Variants in MBNL1 observed in about 807,000 individuals in gnomAD.
The protein encoded by MBNL1 is muscleblind-like protein 1.
Under a neutral mutation model 42.2 loss-of-function variants are expected in MBNL1, and 8 were observed. That is an observed-to-expected ratio of 0.19 (90% CI 0.11 to 0.34). The LOEUF is 0.34. Among genes scored for constraint, MBNL1 ranks in the 10% least tolerant of loss-of-function variants. The pLI is 1.00. For missense variants in MBNL1, 309 were observed against 495.3 expected (o/e 0.62, Z 3.57); for synonymous variants, 169 against 173.9 (o/e 0.97, Z 0.22).
chr3:152,457,861 C>G (rs184903356), intron 8 of MBNL1: 10 of 380,510 alleles, frequency 2.6e-5, no homozygotes, highest in Admixed American at 2.5e-4. Context: ...GTAGGGGACA[C>G]TTTACTTTTT....
intron 2 of MBNL1, among the ~76,000 whole-genome samples, chr3:152,344,883 T>G (rs377020810): frequency 5.3e-5 from 8 of 152,102 alleles, no homozygotes; most frequent in African/African-American, 1.9e-4. Flanking sequence ...TCCATACAGA[T>G]GGAAAGGCAC....
At chr3:152,301,980 G>A (rs142876773) in intron 2 of MBNL1, 1 of 152,330 alleles carries the variant, frequency 6.6e-6, no homozygotes, top group East Asian at 1.9e-4. Flanking sequence ...GTGACATTGA[G>A]TGGTTACACA....
intron 6 of MBNL1, among the ~76,000 whole-genome samples, chr3:152,453,977 C>A (rs1272104253): frequency 6.6e-6 from 1 of 152,084 alleles, no homozygotes; most frequent in African/African-American, 2.4e-5. Context: ...TTTTCCAATT[C>A]TCTCACCCTA....
intron 2 of MBNL1, among the ~76,000 whole-genome samples, chr3:152,335,998 T>G (rs1169154717): frequency 6.6e-6 from 1 of 152,200 alleles, no homozygotes; most frequent in Non-Finnish European, 1.5e-5. Flanking sequence ...GGACAGTAAG[T>G]GTTTATTGAG....
intron 7 of MBNL1, 84 bp downstream of exon 7, chr3:152,455,661 A>G (rs1732174342): frequency 1.6e-6 from 2 of 1,224,900 alleles, no homozygotes; most frequent in African/African-American, 3.0e-5. Flanking sequence ...AGTTTAACTT[A>G]TATCTATTGG....
At chr3:152,420,953 TGAG>T (rs2098795623) in intron 3 of MBNL1, among the ~76,000 whole-genome samples, 1 of 152,084 alleles carries the variant, frequency 6.6e-6, no homozygotes, top group African/African-American at 2.4e-5. Flanking sequence ...AAACACAGCA[TGAG>T]AAGTTCGTGA....
chr3:152,403,448 C>T (rs1009859199), intron 2 of MBNL1, among the ~76,000 whole-genome samples: 1 of 152,100 alleles, frequency 6.6e-6, no homozygotes, highest in African/African-American at 2.4e-5. Context: ...TAGTTGTCAT[C>T]TATTTTTATT....
At chr3:152,288,607 CAT>C (rs376859723) in intron 1 of MBNL1, among the ~76,000 whole-genome samples, 4 of 151,980 alleles carry the variant, frequency 2.6e-5, no homozygotes, top group African/African-American at 9.7e-5. Context: ...ACTCTTATGA[CAT>C]AGTGTTGTCA....
chr3:152,316,703 A>G (rs188002621), intron 2 of MBNL1, among the ~76,000 whole-genome samples: 3 of 152,226 alleles, frequency 2.0e-5, no homozygotes, highest in Admixed American at 1.3e-4. Context: ...TACTGCTGAG[A>G]GGTTCTGGGA....
chr3:152,298,653 A>T (rs928720527), intron 1 of MBNL1, among the ~76,000 whole-genome samples: 1 of 152,206 alleles, frequency 6.6e-6, no homozygotes, highest in Non-Finnish European at 1.5e-5. Flanking sequence ...TGCCTGTGAT[A>T]TATTGACAAA....
intron 1 of MBNL1, among the ~76,000 whole-genome samples, chr3:152,298,713 G>T (rs773574014): frequency 6.6e-6 from 1 of 152,202 alleles, no homozygotes; most frequent in African/African-American, 2.4e-5. Context: ...GCTGTTTTCA[G>T]TGGAGGGGCA....
chr3:152,448,173 T>G (rs937305877), intron 6 of MBNL1, among the ~76,000 whole-genome samples: 1 of 152,190 alleles, frequency 6.6e-6, no homozygotes, highest in African/African-American at 2.4e-5. Flanking sequence ...TCAGTTTTGA[T>G]TTTTATTTTT....
At chr3:152,270,005 G>T (rs1047626683) in intron 1 of MBNL1, among the ~76,000 whole-genome samples, 4 of 148,746 alleles carry the variant, frequency 2.7e-5, no homozygotes, top group Non-Finnish European at 5.9e-5. Context: ...CCTGTAACAC[G>T]AGCAGGTATA....
At chr3:152,269,908 C>CCCT (rs1203730984) in intron 1 of MBNL1, 2 of 139,954 alleles carry the variant, frequency 1.4e-5, no homozygotes, top group African/African-American at 5.3e-5. Flanking sequence ...TATGTAGCCA[C>CCCT]CCCCCAACTT....
chr3:152,358,559 G>C (rs1466253876), intron 2 of MBNL1, among the ~76,000 whole-genome samples: 2 of 151,722 alleles, frequency 1.3e-5, no homozygotes, highest in African/African-American at 4.8e-5. Context: ...TGCTGTTAAG[G>C]AGAATGAATT....
At chr3:152,317,882 A>G (rs1229805462) in intron 2 of MBNL1, among the ~76,000 whole-genome samples, 1 of 152,232 alleles carries the variant, frequency 6.6e-6, no homozygotes, top group African/African-American at 2.4e-5. Flanking sequence ...ATTGTAGTGG[A>G]CTTAAATGTA....
chr3:152,308,274 C>A (rs1215207191), intron 2 of MBNL1, among the ~76,000 whole-genome samples: 1 of 152,196 alleles, frequency 6.6e-6, no homozygotes, highest in African/African-American at 2.4e-5. Context: ...CTCCTAGAGT[C>A]ACAGACCCCA....
intron 2 of MBNL1, among the ~76,000 whole-genome samples, chr3:152,260,253 G>T (rs540164591): frequency 6.6e-6 from 1 of 152,260 alleles, no homozygotes; most frequent in East Asian, 1.9e-4. Context: ...TACTGGGAGG[G>T]CTCGATGGAA....
intron 2 of MBNL1, among the ~76,000 whole-genome samples, chr3:152,377,246 G>A (rs1043716036): frequency 6.6e-6 from 1 of 151,934 alleles, no homozygotes; most frequent in Admixed American, 6.6e-5. Flanking sequence ...CATTGAATTG[G>A]CCTGGTCCTT....
Sources: gnomAD v4.1 joint callset for allele counts (sites outside exome capture counted in the v4.1 genomes callset) on GRCh38, gnomAD v4.1.1 for gene constraint, MANE v1.5 for transcripts, NCBI Gene and HGNC (gene_info 2026-07-23, HGNC 2026-07-21) for gene names.